The following SUGCT variants were observed in gnomAD, a reference collection of about 807,000 sequenced individuals.
The protein encoded by SUGCT is succinyl-CoA:glutarate-CoA transferase.
Under a neutral mutation model 55.0 loss-of-function variants are expected in SUGCT, and 41 were observed. The ratio of observed to expected loss-of-function variants is 0.74; its 90% CI spans 0.58 to 0.97. The LOEUF (loss-of-function observed/expected upper bound fraction) is 0.97. Among genes scored for constraint, SUGCT ranks in the 50% least tolerant of loss-of-function variants. SUGCT has a pLI of 0.00. For synonymous variants in SUGCT, 187 were observed against 200.4 expected, an observed-to-expected ratio of 0.93 and a Z score of 0.56; for missense variants, 568 against 547.8, an observed-to-expected ratio of 1.04 and a Z score of -0.37.
At chr7:40,396,168 A>G (rs537597058) in intron 9 of SUGCT, among the ~76,000 whole-genome samples, 190 of 152,320 alleles carry the variant, frequency 1.2e-3, no homozygotes, top group African/African-American at 4.5e-3. Flanking sequence ...TGAATTATTT[A>G]GGAAATAAGA....
At chr7:40,879,050 C>T in the SUGCT span, among the ~76,000 whole-genome samples, 24 of 152,190 alleles carry the variant, frequency 1.6e-4, no homozygotes, top group East Asian at 1.4e-3. Flanking sequence ...CTTTGGCCTC[C>T]CAAAGTGCTG....
intron 13 of SUGCT, among the ~76,000 whole-genome samples, chr7:40,803,893 T>C (rs1046958756): frequency 6.6e-6 from 1 of 152,198 alleles, no homozygotes; most frequent in East Asian, 1.9e-4. Flanking sequence ...GGAAGGACAG[T>C]GTGTTGATTA....
intron 11 of SUGCT, among the ~76,000 whole-genome samples, chr7:40,472,097 G>T (rs1790431390): frequency 6.6e-6 from 1 of 152,102 alleles, no homozygotes; most frequent in African/African-American, 2.4e-5. Flanking sequence ...ATTCCCTGCT[G>T]TGCAAAAAGC....
chr7:40,421,490 G>A (rs527365078), intron 9 of SUGCT, among the ~76,000 whole-genome samples: 9 of 152,232 alleles, frequency 5.9e-5, no homozygotes, highest in Non-Finnish European at 8.8e-5. Context: ...CAATTTTCAA[G>A]GATGATTGGT....
At chr7:40,929,551 G>A in the SUGCT span, among the ~76,000 whole-genome samples, 3 of 152,186 alleles carry the variant, frequency 2.0e-5, no homozygotes, top group African/African-American at 7.2e-5. Context: ...CAGTGTAAAA[G>A]TGTCACTATT....
chr7:40,147,711 G>A (rs1788332489), intron 1 of SUGCT, among the ~76,000 whole-genome samples: 1 of 152,144 alleles, frequency 6.6e-6, no homozygotes, highest in African/African-American at 2.4e-5. Context: ...CACTGGGTGG[G>A]TCCTGATTTC....
intron 12 of SUGCT, among the ~76,000 whole-genome samples, chr7:40,570,848 C>CTTTTT (rs1796405514): frequency 1.1e-5 from 1 of 93,852 alleles, no homozygotes; most frequent in African/African-American, 5.4e-5. Context: ...AAGCTTTAGG[C>CTTTTT]TCTTTTTTTT....
intron 12 of SUGCT, among the ~76,000 whole-genome samples, chr7:40,641,116 C>T (rs138744542): frequency 6.6e-6 from 1 of 152,300 alleles, no homozygotes; most frequent in Non-Finnish European, 1.5e-5. Context: ...GTCTGAGGAC[C>T]TTGTTTCAAA....
chr7:40,863,661 C>T (rs1267328639), downstream of SUGCT, among the ~76,000 whole-genome samples: 1 of 152,148 alleles, frequency 6.6e-6, no homozygotes, highest in Non-Finnish European at 1.5e-5. Flanking sequence ...TAACCCTGGG[C>T]TATTCATTTT....
intron 12 of SUGCT, chr7:40,684,103 C>T (rs1315177729): frequency 2.5e-6 from 4 of 1,611,202 alleles, no homozygotes; most frequent in Non-Finnish European, 3.4e-6. Context: ...TGGCCCATGG[C>T]CCCTTCCTTC....
chr7:40,524,337 A>G (rs1793700328), intron 12 of SUGCT, among the ~76,000 whole-genome samples: 1 of 152,140 alleles, frequency 6.6e-6, no homozygotes, highest in Admixed American at 6.5e-5. Flanking sequence ...TATGCCATAT[A>G]TCTGATGTCT....
chr7:40,940,396 G>GT, the SUGCT span, among the ~76,000 whole-genome samples: 1 of 151,854 alleles, frequency 6.6e-6, no homozygotes, highest in Admixed American at 6.6e-5. Flanking sequence ...TTTTAGAATT[G>GT]TTTTTTCTAA....
At chr7:40,261,261 A>C (rs1791205894) in intron 7 of SUGCT, among the ~76,000 whole-genome samples, 1 of 152,298 alleles carries the variant, frequency 6.6e-6, no homozygotes, top group East Asian at 1.9e-4. Context: ...CATATCAGAG[A>C]AGAGGTTTTA....
intron 13 of SUGCT, among the ~76,000 whole-genome samples, chr7:40,790,007 A>T (rs1480094005): frequency 6.6e-6 from 1 of 152,212 alleles, no homozygotes; most frequent in African/African-American, 2.4e-5. Flanking sequence ...ATTTATCTGT[A>T]AATATTTGAG....
At chr7:40,883,230 T>G in the SUGCT span, among the ~76,000 whole-genome samples, 1 of 152,184 alleles carries the variant, frequency 6.6e-6, no homozygotes, top group South Asian at 2.1e-4. Flanking sequence ...ACCTTTCCCT[T>G]GCATATTTGG....
intron 13 of SUGCT, among the ~76,000 whole-genome samples, chr7:40,844,374 G>A (rs565225702): frequency 6.6e-6 from 1 of 152,242 alleles, no homozygotes; most frequent in South Asian, 2.1e-4. Flanking sequence ...ATTTTATTTA[G>A]AGGTGGAAGT....
intron 9 of SUGCT, among the ~76,000 whole-genome samples, chr7:40,431,538 A>G (rs1787896548): frequency 6.6e-6 from 1 of 152,176 alleles, no homozygotes; most frequent in African/African-American, 2.4e-5. Context: ...CAGCATGTAC[A>G]TTTTAAGAAT....
chr7:40,633,348 A>G (rs747873762), intron 12 of SUGCT, among the ~76,000 whole-genome samples: 1 of 152,226 alleles, frequency 6.6e-6, no homozygotes, highest in Non-Finnish European at 1.5e-5. Context: ...TTTAAGTAAA[A>G]TAAACATTCA....
In SUGCT at chr7:40,304,719, GAATAATAATAAT is replaced by G. The variant is rs199825643; in HGVS notation, c.721-12010_721-11999del. ...TTCCATTCCTGAGTTACTTCACTTA[GAATAATAATAAT>G]AATAATAATAATAATAATAATAATA... is the stretch of plus-strand genomic sequence containing the variant. On this transcript the variant is annotated intron_variant, in intron 8 of 13. Transcript: ENST00000335693. Among the ~76,000 whole-genome samples, 96 of 63,240 alleles carry G rather than the reference GAATAATAATAAT, an allele frequency of 1.5e-3. 2 individuals carry two copies. In the South Asian group the frequency reaches 0.062, roughly 41 times the overall value. The allele number at this position is 63,240 out of a possible 152,430, so 41.5% of individuals were successfully genotyped here. A position where few individuals can be genotyped will look rare whatever the true frequency, so the allele number is the denominator to read the frequency against.
Sources: allele counts gnomAD v4.1 joint callset (sites outside exome capture counted in the v4.1 genomes callset), GRCh38; gene constraint gnomAD v4.1.1; transcripts MANE v1.5; gene names NCBI Gene and HGNC (gene_info 2026-07-23, HGNC 2026-07-21).